Variants in PROS1 observed in about 807,000 individuals in gnomAD.
The protein encoded by PROS1 is vitamin K-dependent protein S.
PROS1 carries 29 observed loss-of-function variants against 75.9 expected under a neutral mutation model. That is an observed-to-expected ratio of 0.38 (90% confidence interval 0.28 to 0.52). The LOEUF (loss-of-function observed/expected upper bound fraction) is 0.52, where lower values mean the gene tolerates loss of function less well. PROS1 is among the 20% of genes least tolerant of loss of function. The pLI is 0.83. For synonymous variants in PROS1, 245 were observed against 280.6 expected (o/e 0.87, Z 1.27); for missense variants, 680 against 810.3 (o/e 0.84, Z 1.95).
chr3:93,902,997 G>A lies in PROS1; in HGVS notation c.602-2068C>T, dbSNP rs568884017. Among the ~76,000 whole-genome samples the A allele has an allele frequency of 2.0e-5, 3 of 152,062 alleles. 1 individual carries two copies. In the South Asian group the frequency reaches 6.2e-4, roughly 32 times the overall value. The stretch of plus-strand genomic sequence containing the variant: ...TTCTCCTGCCTCAGCCTCCGGAGTA[G>A]CTGGGACTACAGGCACCCGCCACCA... On this transcript the variant is annotated intron_variant, in intron 6 of 14. Coordinates refer to ENST00000394236, the MANE Select transcript of PROS1 (RefSeq NM_000313.4).
chr3:93,935,889 G>GA (rs1035272753), intron 1 of PROS1, among the ~76,000 whole-genome samples: 2 of 137,098 alleles, frequency 1.5e-5, no homozygotes, highest in African/African-American at 5.5e-5. Context: ...AGGAATCAAG[G>GA]AAAAAAATAA....
intron 10 of PROS1, among the ~76,000 whole-genome samples, chr3:93,890,837 G>A (rs996541422): frequency 3.9e-5 from 6 of 152,154 alleles, no homozygotes; most frequent in Non-Finnish European, 5.9e-5. Flanking sequence ...TGGGTGCAGT[G>A]GCTCACACCT....
intron 3 of PROS1, among the ~76,000 whole-genome samples, chr3:93,921,594 T>G (rs1156824610): frequency 6.6e-6 from 1 of 152,204 alleles, no homozygotes; most frequent in Non-Finnish European, 1.5e-5. Context: ...CTCTATTGCT[T>G]CCTGTGAAAT....
chr3:93,911,341 A>G (rs1430188838), intron 3 of PROS1, among the ~76,000 whole-genome samples: 1 of 152,234 alleles, frequency 6.6e-6, no homozygotes, highest in Non-Finnish European at 1.5e-5. Flanking sequence ...ACTTTAACGT[A>G]ACTAGGAGTT....
intron 14 of PROS1, among the ~76,000 whole-genome samples, chr3:93,875,112 T>G (rs1708163277): frequency 6.6e-6 from 1 of 152,106 alleles, no homozygotes. Flanking sequence ...TGAATAAAGT[T>G]CCTACTTTAC....
At chr3:93,904,182 A>G (rs1370110171) in intron 6 of PROS1, among the ~76,000 whole-genome samples, 1 of 152,134 alleles carries the variant, frequency 6.6e-6, no homozygotes, top group East Asian at 1.9e-4. Flanking sequence ...TCCATGGTGT[A>G]TATGTGCCAC....
At chr3:93,876,888 A>G (rs1708197841) in intron 14 of PROS1, 78 bp downstream of exon 14, 1 of 963,598 alleles carries the variant, frequency 1.0e-6, no homozygotes, top group African/African-American at 1.7e-5. Flanking sequence ...ATGCTTTTTT[A>G]CTATAATTAT....
At chr3:93,889,882 A>G (rs1232561587) in intron 10 of PROS1, among the ~76,000 whole-genome samples, 1 of 152,152 alleles carries the variant, frequency 6.6e-6, no homozygotes, top group African/African-American at 2.4e-5. Flanking sequence ...AAAGAACAGA[A>G]TAACAGCGAT....
At chr3:93,938,267 A>C (rs776615669) in intron 1 of PROS1, among the ~76,000 whole-genome samples, 1 of 151,958 alleles carries the variant, frequency 6.6e-6, no homozygotes, top group Non-Finnish European at 1.5e-5. Context: ...ACCAGAGAAC[A>C]ACCCCTTTGA....
chr3:93,903,966 TC>T (rs1211574600), intron 6 of PROS1, among the ~76,000 whole-genome samples: 1 of 102,080 alleles, frequency 9.8e-6, no homozygotes, highest in African/African-American at 3.8e-5. Flanking sequence ...CCCTTCCCCC[TC>T]CCCCCACCCT....
chr3:93,928,942 A>C (rs1225748944), intron 1 of PROS1: 1 of 305,288 alleles, frequency 3.3e-6, no homozygotes, highest in Non-Finnish European at 6.6e-6. Flanking sequence ...AAGAATGATA[A>C]TATCAATTAT....
Position 93,960,532 on chromosome 3 carries a change from C to CTTTT in PROS1, c.76+13138_76+13141dup, listed in dbSNP as rs774875701. On this transcript the variant is annotated intron_variant, in intron 1 of 14. Transcript: ENST00000394236. ...AAACAAGTACACCACCTCCATTGCT[C>CTTTT]TTTTTTTTTTTTTTTTTTTTTTTTT... Among the ~76,000 whole-genome samples, 199 of 50,150 alleles carry CTTTT rather than the reference C, an allele frequency of 4.0e-3. 30 individuals carry two copies. Among genetic ancestry groups the CTTTT allele is most frequent in the African/African-American group, 9.0e-3 (97 of 10,832 alleles). The allele number at this position is 50,150 out of a possible 152,430, so 32.9% of individuals were successfully genotyped here. A position where few individuals can be genotyped will look rare whatever the true frequency, so the allele number is the denominator to read the frequency against.
chr3:93,951,648 A>T (rs1455415835), intron 1 of PROS1, among the ~76,000 whole-genome samples: 2 of 152,236 alleles, frequency 1.3e-5, no homozygotes, highest in African/African-American at 4.8e-5. Context: ...AACATGCCAA[A>T]TCGTAAACAC....
At chr3:93,965,758 G>A (rs1709779187) in intron 1 of PROS1, among the ~76,000 whole-genome samples, 1 of 152,098 alleles carries the variant, frequency 6.6e-6, no homozygotes. Flanking sequence ...GCAGTGGCAT[G>A]ATCTCGATTC....
intron 6 of PROS1, among the ~76,000 whole-genome samples, chr3:93,902,894 T>TG (rs1661951400): frequency 1.3e-5 from 2 of 152,106 alleles, no homozygotes; most frequent in South Asian, 2.1e-4. Context: ...TTTTGGTTTG[T>TG]TTGTTTGTTT....
chr3:93,949,234 T>A (rs1709454334), intron 1 of PROS1, among the ~76,000 whole-genome samples: 1 of 152,192 alleles, frequency 6.6e-6, no homozygotes, highest in Non-Finnish European at 1.5e-5. Context: ...GGAACCTTAA[T>A]ATATTGAAGC....
chr3:93,877,094 C>T lies in PROS1; in HGVS notation c.1742G>A (p.Arg581Lys), dbSNP rs766513087. ...TGGTGTCGACAACTCCAGATTGTTT[C>T]TGTTGACTCTAAATTCCAGATGAGA... ...QQSHLEFRVNRNNLELSTPLK... is the reference protein window; with the variant it reads ...QQSHLEFRVNKNNLELSTPLK... The change falls in exon 14 of 15, where the codon AGA becomes AAA. Residue 581 changes from arginine to lysine, a missense_variant. Physicochemically the swap from Arg to Lys is conservative, Grantham distance 26. Coordinates refer to ENST00000394236, the MANE Select transcript of PROS1 (RefSeq NM_000313.4). 1 of 1,612,772 alleles carries T rather than the reference C, an allele frequency of 6.2e-7. No individual in the cohort carries two copies. Among genetic ancestry groups the T allele is most frequent in the South Asian group, 1.1e-5 (1 of 91,054 alleles).
intron 1 of PROS1, among the ~76,000 whole-genome samples, chr3:93,949,065 G>A (rs1576211272): frequency 6.6e-6 from 1 of 152,204 alleles, no homozygotes; most frequent in East Asian, 1.9e-4. Flanking sequence ...ATGGACCAAT[G>A]TCTCTAAATT....
intron 3 of PROS1, among the ~76,000 whole-genome samples, chr3:93,918,630 G>A (rs1357962341): frequency 6.6e-6 from 1 of 152,104 alleles, no homozygotes; most frequent in Non-Finnish European, 1.5e-5. Flanking sequence ...CTTCATTCTT[G>A]AAGTCAGTGA....
Sources: gnomAD v4.1 joint callset for allele counts (sites outside exome capture counted in the v4.1 genomes callset) on GRCh38, gnomAD v4.1.1 for gene constraint, MANE v1.5 for transcripts, NCBI Gene and HGNC (gene_info 2026-07-23, HGNC 2026-07-21) for gene names.